TRPM2: variants seen among roughly 807,000 people sequenced by gnomAD.
TRPM2 encodes estrogen-responsive element-associated gene 1 protein.
In TRPM2, 161 loss-of-function variants were observed where a neutral mutation model predicts 174.0. That is an observed-to-expected ratio of 0.93 (90% CI 0.81 to 1.05). The LOEUF (loss-of-function observed/expected upper bound fraction) is 1.05. Among genes scored for constraint, TRPM2 ranks in the 50% least tolerant of loss-of-function variants. The pLI is 0.00. For missense variants in TRPM2, 2,057 were observed against 2,038.0 expected (o/e 1.01, Z -0.18); for synonymous variants, 954 against 861.3 (o/e 1.11, Z -1.88).
At chr21:44,395,321 G>A in intron 11 of TRPM2, 93 bp from the exon 12 acceptor site, 1 of 1,485,768 alleles carries the variant, frequency 6.7e-7, no homozygotes, top group Non-Finnish European at 9.0e-7. Flanking sequence ...AGAAGGTCGG[G>A]GCTGGGGTCA....
chr21:44,380,866 G>A (rs988445922), intron 8 of TRPM2, among the ~76,000 whole-genome samples: 5 of 152,196 alleles, frequency 3.3e-5, no homozygotes, highest in African/African-American at 9.7e-5. Context: ...ACGAGGAAAC[G>A]AGGCCCTGGC....
chr21:44,397,824 C>G lies in TRPM2; in HGVS notation c.2010C>G (p.Asp670Glu). Residue 670 changes from aspartate to glutamate, a missense_variant, in exon 13 of 32, where the codon GAC becomes GAG. By Grantham distance (45) the Asp-to-Glu change is conservative. Coordinates refer to ENST00000397928, the MANE Select transcript of TRPM2 (RefSeq NM_003307.4). ...KELSKEEEDTDSSEEMLALAE... is the reference protein window; with the variant it reads ...KELSKEEEDTESSEEMLALAE... ...TGTCCAAGGAGGAGGAGGACACGGACAGCTCGGAGGAGATGCTGGCGCTGG... is the reference window on the plus strand; with the variant it reads ...TGTCCAAGGAGGAGGAGGACACGGAGAGCTCGGAGGAGATGCTGGCGCTGG... The G allele has an allele frequency of 2.5e-6, 4 of 1,608,440 alleles. No homozygotes were observed. The highest frequency in any genetic ancestry group is 2.5e-6 in the Non-Finnish European group (3 of 1,177,796).
chr21:44,406,014 A>G lies in TRPM2; in HGVS notation c.2767A>G (p.Lys923Glu), dbSNP rs2049859759. 6.2e-7 allele frequency: 1 copy of G among 1,607,638 alleles called. No homozygotes were observed. The highest frequency in any genetic ancestry group is 8.5e-7 in the Non-Finnish European group (1 of 1,179,728). The change falls in exon 18 of 32, where the codon AAG becomes GAG. Residue 923 changes from lysine (K) to glutamate (E), a missense_variant. Transcript: ENST00000397928. ...IFTISKTLGP[K>E]IIIVKRMMKD... Reference sequence around the variant, plus strand: ...TACCATCAGTAAGACGCTGGGGCCCAAGATCATCATTGTGAAGCGGATGGT... The same window carrying G: ...TACCATCAGTAAGACGCTGGGGCCCGAGATCATCATTGTGAAGCGGATGGT...
Position 44,426,685 on chromosome 21 carries a change from C to A in TRPM2, c.3821C>A (p.Pro1274His), listed in dbSNP as rs974932050. Reference protein sequence around the residue: ...WETEFLIYDPPFYTAERKDAA... With the variant: ...WETEFLIYDPHFYTAERKDAA... ...ACGGAGTTCCTGATCTATGACCCAC[C>A]CTTTTACACGGCAGAGAGGAAGGAC... is the stretch of plus-strand genomic sequence containing the variant. Residue 1274 changes from proline (P) to histidine (H), a missense_variant, in exon 26 of 32, where the codon CCC becomes CAC. Pro to His is a moderately conservative substitution (Grantham distance 77). Coordinates refer to ENST00000397928, the MANE Select transcript of TRPM2 (RefSeq NM_003307.4). 1 of 1,614,172 alleles carries A rather than the reference C, an allele frequency of 6.2e-7. No individual in the cohort carries two copies. Among genetic ancestry groups the A allele is most frequent in the East Asian group, 2.2e-5 (1 of 44,878 alleles).
At chr21:44,431,137 C>T (rs914635741) in intron 27 of TRPM2, among the ~76,000 whole-genome samples, 1 of 151,858 alleles carries the variant, frequency 6.6e-6, no homozygotes, top group Non-Finnish European at 1.5e-5. Context: ...TGTGTTAGAG[C>T]TCATTTTTAT....
intron 5 of TRPM2, 98 bp downstream of exon 5, chr21:44,369,441 G>A: frequency 1.4e-6 from 2 of 1,421,776 alleles, no homozygotes; most frequent in Non-Finnish European, 1.9e-6. Context: ...CGGGGGCCGG[G>A]GTGTGGGTGA....
In TRPM2 at chr21:44,440,728, T is replaced by C. The variant is rs1248210010; in HGVS notation, c.4270-61T>C. The C allele has an allele frequency of 2.1e-6, 3 of 1,452,184 alleles. No homozygotes were observed. The East Asian group carries it at 6.8e-5, about 33-fold the overall frequency. The allele number at this position is 1,452,184 out of a possible 1,614,324, so 90.0% of individuals were successfully genotyped here. On this transcript the variant is annotated intron_variant, in intron 30 of 31. Transcript: ENST00000397928. ...CTGGGTCAGGGTGGAGGGCACGAGG[T>C]GGGCCGGGGCACCGCTCAGGTGTCC...
chr21:44,364,063 G>C (rs754214971), intron 2 of TRPM2, 51 bp from the exon 3 acceptor site: 4 of 1,578,332 alleles, frequency 2.5e-6, no homozygotes, highest in Non-Finnish European at 3.4e-6. Flanking sequence ...CCTTCACAGG[G>C]AGCAGGAAGG....
intron 27 of TRPM2, among the ~76,000 whole-genome samples, chr21:44,431,382 T>C (rs2051016474): frequency 1.3e-5 from 2 of 152,070 alleles, no homozygotes; most frequent in South Asian, 4.1e-4. Flanking sequence ...CAAGCTATCC[T>C]CCTGCCTCTG....
chr21:44,421,977 G>T (rs1431371320), intron 22 of TRPM2, among the ~76,000 whole-genome samples: 2 of 152,188 alleles, frequency 1.3e-5, no homozygotes, highest in African/African-American at 2.4e-5. Context: ...ACGTGTTTCC[G>T]CTGGGCCGCT....
At chr21:44,431,421 G>A (rs973415167) in intron 27 of TRPM2, among the ~76,000 whole-genome samples, 2 of 151,816 alleles carry the variant, frequency 1.3e-5, no homozygotes, top group Non-Finnish European at 2.9e-5. Flanking sequence ...TTACAGATGT[G>A]AGCCACCACG....
intron 27 of TRPM2, among the ~76,000 whole-genome samples, chr21:44,433,903 T>A (rs2051125766): frequency 6.6e-6 from 1 of 151,386 alleles, no homozygotes. Flanking sequence ...GGGAACAGGG[T>A]GGCTGCTGAG....
At chr21:44,427,435 C>T (rs535795527) in intron 27 of TRPM2, among the ~76,000 whole-genome samples, 26 of 152,234 alleles carry the variant, frequency 1.7e-4, no homozygotes, top group East Asian at 7.7e-4. Context: ...AGGGGCTGTG[C>T]GGCAGGGAGG....
chr21:44,399,808 C>T lies in TRPM2; in HGVS notation c.2208+367C>T, dbSNP rs549323921. The stretch of plus-strand genomic sequence containing the variant: ...TGTCCTCCCTGGAGCAGCAGGGGCT[C>T]CCAGGCATGGCTGCCCTCAGCATCG... On this transcript the variant is annotated intron_variant, in intron 14 of 31. Coordinates refer to ENST00000397928, the MANE Select transcript of TRPM2 (RefSeq NM_003307.4). This position sits in a 1 kb window ranked among gnomAD's most constrained non-coding sequence, Gnocchi z 4.6. 2.0e-5 allele frequency among the ~76,000 whole-genome samples: 3 copies of T among 152,250 alleles called. No individual in the cohort carries two copies. Among genetic ancestry groups the T allele is most frequent in the South Asian group, 4.1e-4 (2 of 4,830 alleles).
intron 14 of TRPM2, 79 bp from the exon 15 acceptor site, chr21:44,400,180 G>A (rs1236648390): frequency 1.6e-6 from 2 of 1,240,700 alleles, no homozygotes; most frequent in Non-Finnish European, 1.2e-6. Flanking sequence ...GGCACCCCGA[G>A]TCCTCAGCAG....
rs2048696845 is a variant in TRPM2, at chr21:44,376,282, T to G, written c.952+269T>G. The stretch of plus-strand genomic sequence containing the variant: ...GAACGTCCTCAGAACACACCTGGGT[T>G]TCTTTCCCGTGTCTCTTTATACTTT... On this transcript the variant is annotated intron_variant, in intron 6 of 31. Transcript: ENST00000397928. This position sits in a 1 kb window ranked among gnomAD's most constrained non-coding sequence, Gnocchi z 4.2. Among the ~76,000 whole-genome samples, 1 of 152,222 alleles carries G rather than the reference T, an allele frequency of 6.6e-6. No individual in the cohort carries two copies.
chr21:44,407,866 CT>C (rs200733731), intron 19 of TRPM2, among the ~76,000 whole-genome samples: 20 of 150,216 alleles, frequency 1.3e-4, no homozygotes, highest in African/African-American at 4.4e-4. Flanking sequence ...TCCACTTTTC[CT>C]TTTTTTTAAA....
intron 12 of TRPM2, among the ~76,000 whole-genome samples, chr21:44,396,968 C>T (rs112887531): frequency 0.047 from 6,827 of 145,248 alleles, 536 homozygotes; most frequent in African/African-American, 0.15. Flanking sequence ...GGGTTGTGGG[C>T]GTCTCCAACA....
chr21:44,435,170 C>A lies in TRPM2; in HGVS notation c.4014C>A (p.Ser1338Arg). ...GCACAGGACTGCGTGGGCGCGGGAG[C>A]CTCAGCTGCTTCGGACCCAACCACA... ...MGRTGLRGRGSLSCFGPNHTL... is the reference protein window; with the variant it reads ...MGRTGLRGRGRLSCFGPNHTL... The change falls in exon 28 of 32, where the codon AGC becomes AGA. Residue 1338 changes from serine to arginine, a missense_variant. Coordinates refer to ENST00000397928, the MANE Select transcript of TRPM2 (RefSeq NM_003307.4). The A allele has an allele frequency of 6.2e-7, 1 of 1,613,470 alleles. No homozygotes were observed. Among genetic ancestry groups the A allele is most frequent in the Non-Finnish European group, 8.5e-7 (1 of 1,179,604 alleles).
Sources: allele counts gnomAD v4.1 joint callset (sites outside exome capture counted in the v4.1 genomes callset), GRCh38; gene constraint gnomAD v4.1.1; non-coding constraint Gnocchi (gnomAD v3.1); transcripts MANE v1.5; gene names NCBI Gene and HGNC (gene_info 2026-07-23, HGNC 2026-07-21).